COP1: variants seen among roughly 807,000 people sequenced by gnomAD.
COP1 encodes COP1 E3 ubiquitin ligase, also known as E3 ubiquitin-protein ligase COP1.
COP1 carries 24 observed loss-of-function variants against 101.3 expected under a neutral mutation model. The observed-to-expected ratio is 0.24, with a 90% CI of 0.17 to 0.33. COP1 has a LOEUF of 0.33. COP1 is among the 10% of genes least tolerant of loss of function. The probability of loss-of-function intolerance (pLI) is 1.00; values close to 1 mark genes in which losing one functional copy is unlikely to be tolerated. For missense variants in COP1, 663 were observed against 906.2 expected (o/e 0.73, Z 3.45); for synonymous variants, 347 against 341.9 (o/e 1.01, Z -0.17).
At chr1:176,179,267 G>A (rs1360796708) in intron 2 of COP1, among the ~76,000 whole-genome samples, 3 of 150,098 alleles carry the variant, frequency 2.0e-5, no homozygotes, top group African/African-American at 7.4e-5. Context: ...TCCAGCCTGG[G>A]CGACAAAGTG....
At chr1:176,013,610 G>T (rs898697716) in intron 15 of COP1, among the ~76,000 whole-genome samples, 1 of 152,004 alleles carries the variant, frequency 6.6e-6, no homozygotes, top group Non-Finnish European at 1.5e-5. Context: ...AGTTTACAAA[G>T]ACTACAAATG....
At chr1:175,965,962 C>T (rs78401348) in intron 18 of COP1, among the ~76,000 whole-genome samples, 6,367 of 152,212 alleles carry the variant, frequency 0.042, 157 homozygotes, top group Non-Finnish European at 0.048. Flanking sequence ...CATAAATCTA[C>T]GCTGCATTTT....
At chr1:176,198,740 A>C (rs760192454) in intron 1 of COP1, among the ~76,000 whole-genome samples, 1 of 152,214 alleles carries the variant, frequency 6.6e-6, no homozygotes, top group East Asian at 1.9e-4. Context: ...TATGCAGAAT[A>C]CATAAAGAAC....
At position 176,159,082 on chromosome 1, in the gene COP1, T is replaced by A. The variant is rs116780520; in HGVS notation, c.762+3787A>T. Among the ~76,000 whole-genome samples the A allele has an allele frequency of 8.1e-3, 1,233 of 152,272 alleles. 24 individuals are homozygous for A. Among genetic ancestry groups the A allele is most frequent in the African/African-American group, 0.028 (1,170 of 41,530 alleles). On this transcript the variant is annotated intron_variant, in intron 5 of 19. Transcript: ENST00000367669. ...AACCAACAAAGCATCTAAAATGGAA[T>A]CACCTAAAATCATGTAAATTATGTT...
intron 6 of COP1, among the ~76,000 whole-genome samples, chr1:176,144,176 T>C (rs1018018877): frequency 6.6e-6 from 1 of 152,150 alleles, no homozygotes; most frequent in South Asian, 2.1e-4. Context: ...ACTGTTATTA[T>C]TTGCAGATTA....
chr1:176,183,352 A>T (rs1282727236), intron 2 of COP1, among the ~76,000 whole-genome samples: 3 of 152,212 alleles, frequency 2.0e-5, no homozygotes, highest in African/African-American at 7.2e-5. Context: ...GGCTAAAATA[A>T]TATGCCAACA....
intron 18 of COP1, among the ~76,000 whole-genome samples, chr1:175,976,587 CCTT>C (rs1193856788): frequency 1.3e-5 from 2 of 152,030 alleles, no homozygotes; most frequent in African/African-American, 4.8e-5. Flanking sequence ...CTCATTTATT[CCTT>C]CTTATTAGTT....
intron 11 of COP1, among the ~76,000 whole-genome samples, chr1:176,069,634 G>A (rs1676621991): frequency 1.3e-5 from 2 of 152,088 alleles, no homozygotes; most frequent in Admixed American, 6.5e-5. Context: ...ATCCCCAGAG[G>A]GTTCTCCCTC....
chr1:175,997,655 T>C (rs545254809), intron 15 of COP1, among the ~76,000 whole-genome samples: 9 of 152,240 alleles, frequency 5.9e-5, no homozygotes, highest in East Asian at 3.9e-4. Flanking sequence ...AAAATGCTCA[T>C]CATCACTGGC....
chr1:176,050,885 G>GC (rs1181564479), intron 11 of COP1, among the ~76,000 whole-genome samples: 1 of 152,172 alleles, frequency 6.6e-6, no homozygotes, highest in Non-Finnish European at 1.5e-5. Flanking sequence ...CAGAGTCTAT[G>GC]CTCTCAATCA....
chr1:176,119,797 C>T lies in COP1; in HGVS notation c.969-3116G>A, dbSNP rs549371987. Among the ~76,000 whole-genome samples the T allele has an allele frequency of 1.9e-4, 29 of 152,228 alleles. No homozygotes were observed. In the South Asian group the frequency reaches 2.9e-3, roughly 15 times the overall value. Reference sequence around the variant, plus strand: ...CAATATCAATAGTACCATTTACTGACGGTTTACTATGCACTAACCTAAATA... The same window carrying T: ...CAATATCAATAGTACCATTTACTGATGGTTTACTATGCACTAACCTAAATA... On this transcript the variant is annotated intron_variant, in intron 8 of 19. Transcript: ENST00000367669.
chr1:175,999,898 T>C (rs921215915), intron 15 of COP1, among the ~76,000 whole-genome samples: 1 of 152,126 alleles, frequency 6.6e-6, no homozygotes, highest in African/African-American at 2.4e-5. Context: ...TTGCCATTTA[T>C]ATGTCTTCTT....
At chr1:176,136,572 G>C (rs775699766) in intron 6 of COP1, 25 bp from the exon 7 acceptor site, 2 of 1,355,900 alleles carry the variant, frequency 1.5e-6, no homozygotes, top group Non-Finnish European at 2.0e-6. Context: ...GAGAGAGAAA[G>C]ACAAAAAAAA....
At chr1:176,188,663 G>A (rs1016631027) in intron 1 of COP1, among the ~76,000 whole-genome samples, 4 of 151,884 alleles carry the variant, frequency 2.6e-5, no homozygotes, top group African/African-American at 7.3e-5. Flanking sequence ...AATTATCTGC[G>A]ATCAGTGATC....
chr1:176,183,833 A>G (rs1430294396), intron 2 of COP1, among the ~76,000 whole-genome samples: 1 of 152,244 alleles, frequency 6.6e-6, no homozygotes, highest in Non-Finnish European at 1.5e-5. Flanking sequence ...AAGTGAAATA[A>G]GCGAGTCACA....
rs575706790 is a variant in COP1 at position 176,054,282 on chromosome 1, C to T, written c.1278-7958G>A. On this transcript the variant is annotated intron_variant, in intron 11 of 19. Coordinates refer to ENST00000367669, the MANE Select transcript of COP1 (RefSeq NM_022457.7). ...TTCAAACTGATTCTCCTGCCTCAGCCTCCCAAGTAGCTGGGATTACAGGCG... is the reference window on the plus strand; with the variant it reads ...TTCAAACTGATTCTCCTGCCTCAGCTTCCCAAGTAGCTGGGATTACAGGCG... Among the ~76,000 whole-genome samples the T allele has an allele frequency of 9.9e-4, 150 of 151,938 alleles. No homozygotes were observed. In the South Asian group the frequency reaches 0.01, roughly 11 times the overall value.
In COP1 at chr1:176,206,728, G is replaced by A. The variant is rs778706741; in HGVS notation, c.251C>T (p.Thr84Met). The change falls in exon 1 of 20, where the codon ACG (threonine) becomes ATG (methionine). Residue 84 changes from threonine (T) to methionine (M), a missense_variant. Thr to Met is a moderately conservative substitution (Grantham distance 81). Coordinates refer to ENST00000367669, the MANE Select transcript of COP1 (RefSeq NM_022457.7). ...CGCGCAGCTGTGCCGGGACAGGCCC[G>A]TGGACACCGCCCCGCCGCCGCTACC... ...VSGSGGGAVSTGLSRHSCAAR... is the reference protein window; with the variant it reads ...VSGSGGGAVSMGLSRHSCAAR... 6.6e-5 allele frequency: 103 copies of A among 1,572,280 alleles called. 2 individuals carry two copies. The South Asian group carries it at 8.9e-4, about 14-fold the overall frequency.
At chr1:176,111,542 C>T (rs1685293064) in intron 9 of COP1, among the ~76,000 whole-genome samples, 1 of 152,212 alleles carries the variant, frequency 6.6e-6, no homozygotes, top group Admixed American at 6.5e-5. Flanking sequence ...ATCCACCTGC[C>T]TTGGCCTCCC....
At chr1:176,186,761 T>C (rs1158166489) in intron 1 of COP1, among the ~76,000 whole-genome samples, 1 of 152,048 alleles carries the variant, frequency 6.6e-6, no homozygotes. Context: ...CATAATCCAG[T>C]GAGAAACAGT....
Sources: allele counts gnomAD v4.1 joint callset (sites outside exome capture counted in the v4.1 genomes callset), GRCh38; gene constraint gnomAD v4.1.1; transcripts MANE v1.5; gene names NCBI Gene and HGNC (gene_info 2026-07-23, HGNC 2026-07-21).